Variants in C9orf153 observed in about 807,000 individuals in gnomAD.
C9orf153 encodes uncharacterized protein C9orf153.
A neutral mutation model predicts 9.0 loss-of-function variants in C9orf153; 10 were observed. The observed-to-expected ratio is 1.11, with a 90% CI of 0.69 to 1.89. The LOEUF is 1.89. Ranked by LOEUF, C9orf153 falls within the 40% of genes most tolerant of loss-of-function variation. The pLI is 0.00. For missense variants in C9orf153, 108 were observed against 111.0 expected (o/e 0.97, Z 0.12); for synonymous variants, 35 against 37.3 (o/e 0.94, Z 0.23).
rs898826823 is a variant in C9orf153 at position 86,220,976 on chromosome 9, A to G, written c.*712T>C. 2.0e-5 allele frequency: 3 copies of G among 152,286 alleles called. No individual in the cohort carries two copies. In the East Asian group the frequency reaches 5.8e-4, roughly 29 times the overall value. 9.4% of individuals were successfully genotyped at this position (152,286 alleles called of 1,614,324 possible). A position where few individuals can be genotyped will look rare whatever the true frequency, so the allele number is the denominator to read the frequency against. On this transcript the variant is annotated 3_prime_UTR_variant, in exon 4 of 4. Coordinates refer to ENST00000339137, the MANE Select transcript of C9orf153 (RefSeq NM_001276366.4). ...ACTGGGATAATTATCAAGGGTTATT[A>G]TTATAATTTTCAATGACTATATCTT...
chr9:86,234,892 C>T (rs1824546659), intron 1 of C9orf153, among the ~76,000 whole-genome samples: 1 of 152,182 alleles, frequency 6.6e-6, no homozygotes, highest in Non-Finnish European at 1.5e-5. Flanking sequence ...GGCAACGGGA[C>T]TTCTAGTGTG....
At chr9:86,244,799 A>G (rs1824829506) in intron 1 of C9orf153, among the ~76,000 whole-genome samples, 1 of 152,010 alleles carries the variant, frequency 6.6e-6, no homozygotes, top group Non-Finnish European at 1.5e-5. Flanking sequence ...TGTGTTTAGC[A>G]TTCTCCTCCT....
intron 1 of C9orf153, among the ~76,000 whole-genome samples, chr9:86,254,680 T>C (rs997864238): frequency 6.6e-6 from 1 of 152,226 alleles, no homozygotes; most frequent in South Asian, 2.1e-4. Context: ...TTTACCTGCA[T>C]TGTATAGAGA....
chr9:86,243,955 T>TTA (rs1353245624), intron 1 of C9orf153, among the ~76,000 whole-genome samples: 12 of 152,188 alleles, frequency 7.9e-5, no homozygotes, highest in African/African-American at 2.7e-4. Flanking sequence ...TCCATTCACC[T>TTA]TATATATACA....
At chr9:86,249,406 C>G (rs977158224) in intron 1 of C9orf153, among the ~76,000 whole-genome samples, 1 of 152,160 alleles carries the variant, frequency 6.6e-6, no homozygotes, top group Admixed American at 6.5e-5. Flanking sequence ...ACAAAGAGAA[C>G]AAAGCATTGT....
In C9orf153 at chr9:86,229,648, G is replaced by C; in HGVS notation, c.-26-19C>G. On this transcript the variant is annotated intron_variant, in intron 1 of 3. Coordinates refer to ENST00000339137, the MANE Select transcript of C9orf153 (RefSeq NM_001276366.4). ...CTAATTCCTAAAAAAAGCAATATGA[G>C]AAAAGACAAAAATCAAAGATTAAAA... 1 of 1,396,422 alleles carries C rather than the reference G, an allele frequency of 7.2e-7. No individual in the cohort carries two copies. Among genetic ancestry groups the C allele is most frequent in the Non-Finnish European group, 1.0e-6 (1 of 989,536 alleles). The allele number at this position is 1,396,422 out of a possible 1,614,324, so 86.5% of individuals were successfully genotyped here.
In C9orf153 at chr9:86,231,554, T is replaced by TAC. The variant is rs35861899; in HGVS notation, c.-26-1927_-26-1926dup. On this transcript the variant is annotated intron_variant, in intron 1 of 3. Transcript: ENST00000339137. ...GTAAAGTAGAAAAACCCAGAATGGATACACACACACACAAAAACACACACA... is the reference window on the plus strand; with the variant it reads ...GTAAAGTAGAAAAACCCAGAATGGATACACACACACACACAAAAACACACACA... Among the ~76,000 whole-genome samples the TAC allele has an allele frequency of 4.7e-3, 702 of 149,446 alleles. 4 individuals are homozygous for TAC. The highest frequency in any genetic ancestry group is 0.017 in the African/African-American group (681 of 39,460).
chr9:86,224,271 C>T (rs1824268970), intron 3 of C9orf153, among the ~76,000 whole-genome samples: 5 of 151,984 alleles, frequency 3.3e-5, no homozygotes, highest in Admixed American at 3.3e-4. Context: ...CCTGAGGTCC[C>T]AGCTACTTGA....
At chr9:86,240,517 A>T in intron 1 of C9orf153, among the ~76,000 whole-genome samples, 1 of 150,938 alleles carries the variant, frequency 6.6e-6, no homozygotes. Context: ...AGCTGGGACT[A>T]CAGGCACACA....
chr9:86,228,007 A>G lies in C9orf153; in HGVS notation c.90T>C (p.Ile30=), dbSNP rs571900000. The G allele has an allele frequency of 2.5e-6, 4 of 1,609,706 alleles. No individual in the cohort carries two copies. In the East Asian group the frequency reaches 8.9e-5, roughly 36 times the overall value. The change falls in exon 3 of 4, where the codon ATT becomes ATC. Residue 30 remains isoleucine, a synonymous_variant. Coordinates refer to ENST00000339137, the MANE Select transcript of C9orf153 (RefSeq NM_001276366.4). The part of the protein sequence containing the change: ...QCSLPELYAC[I]ENFNKESKKS... ...TCTTGCTCTCCTTATTAAAATTCTC[A>G]ATACATGCATATAATTCTGGAAGCT...
chr9:86,259,210 C>A lies in C9orf153; in HGVS notation c.-27+340G>T, dbSNP rs370747286. ...GTGAGGGAGAGGTGCAAAGTCAGGA[C>A]CAAGCATCCATGGGAACACAGGGGA... On this transcript the variant is annotated intron_variant, in intron 1 of 3. Coordinates refer to ENST00000339137, the MANE Select transcript of C9orf153 (RefSeq NM_001276366.4). Among the ~76,000 whole-genome samples the A allele has an allele frequency of 4.6e-5, 7 of 151,956 alleles. No individual in the cohort carries two copies. In the East Asian group the frequency reaches 1.4e-3, roughly 29 times the overall value.
At chr9:86,257,642 C>A (rs1825151176) in intron 1 of C9orf153, among the ~76,000 whole-genome samples, 1 of 152,186 alleles carries the variant, frequency 6.6e-6, no homozygotes, top group Non-Finnish European at 1.5e-5. Flanking sequence ...ACAGAGTAGG[C>A]ACTCAGTAAT....
intron 1 of C9orf153, among the ~76,000 whole-genome samples, chr9:86,249,146 G>A (rs779498699): frequency 9.2e-5 from 14 of 152,130 alleles, no homozygotes; most frequent in African/African-American, 3.1e-4. Flanking sequence ...ACTCCTTTCT[G>A]TCTATGGCAG....
chr9:86,240,142 C>A (rs7861466), intron 1 of C9orf153, among the ~76,000 whole-genome samples: 46,952 of 151,898 alleles, frequency 0.31, 7,430 homozygotes, highest in East Asian at 0.42. Flanking sequence ...TTGATCCACC[C>A]AACAACTTTC....
intron 1 of C9orf153, among the ~76,000 whole-genome samples, chr9:86,231,520 C>T (rs1256841629): frequency 6.7e-6 from 1 of 150,120 alleles, no homozygotes; most frequent in Non-Finnish European, 1.5e-5. Context: ...TGTTTCTCTT[C>T]CTTCCTGAGT....
At chr9:86,242,334 AG>A (rs1824764680) in intron 1 of C9orf153, among the ~76,000 whole-genome samples, 1 of 150,000 alleles carries the variant, frequency 6.7e-6, no homozygotes, top group Admixed American at 6.7e-5. Context: ...GCAGGCTCAA[AG>A]GAAGACAGGA....
At chr9:86,235,932 T>C (rs1164610181) in intron 1 of C9orf153, among the ~76,000 whole-genome samples, 1 of 151,882 alleles carries the variant, frequency 6.6e-6, no homozygotes. Flanking sequence ...CCCAAATTAA[T>C]GTTGTACACC....
Position 86,227,770 on chromosome 9 carries a change from C to T in C9orf153, c.242+85G>A, listed in dbSNP as rs1468380546. The T allele has an allele frequency of 3.3e-6, 5 of 1,512,782 alleles. No homozygotes were observed. In the African/African-American group the frequency reaches 4.2e-5, roughly 13 times the overall value. 93.7% of individuals were successfully genotyped at this position (1,512,782 alleles called of 1,614,324 possible). ...TCTGCTGGGACCTGGAGAGCCTCTC[C>T]ATGGGAGAGAGTGAGCTTGCCAGTA... On this transcript the variant is annotated intron_variant, in intron 3 of 3. Coordinates refer to ENST00000339137, the MANE Select transcript of C9orf153 (RefSeq NM_001276366.4).
intron 3 of C9orf153, 114 bp downstream of exon 3, chr9:86,227,741 A>G: frequency 1.4e-6 from 2 of 1,444,130 alleles, no homozygotes; most frequent in Non-Finnish European, 1.8e-6. Flanking sequence ...ACACTGTGAC[A>G]GCCTCTGCTG....
Sources: allele counts gnomAD v4.1 joint callset (sites outside exome capture counted in the v4.1 genomes callset), GRCh38; gene constraint gnomAD v4.1.1; transcripts MANE v1.5; gene names NCBI Gene and HGNC (gene_info 2026-07-23, HGNC 2026-07-21).